The following CCDC171 variants were observed in gnomAD, a reference collection of about 807,000 sequenced individuals.
CCDC171 encodes the protein coiled-coil domain-containing protein 171.
CCDC171 carries 177 observed loss-of-function variants against 168.2 expected under a neutral mutation model. That is an observed-to-expected ratio of 1.05 (90% CI 0.93 to 1.19). The LOEUF (loss-of-function observed/expected upper bound fraction) is 1.19. Among genes scored for constraint, CCDC171 ranks in the 50% most tolerant of loss-of-function variants. The pLI, the probability that CCDC171 is intolerant of heterozygous loss-of-function variation, is 0.00. For missense variants in CCDC171, 1,991 were observed against 1,539.0 expected (o/e 1.29, Z -4.91); for synonymous variants, 687 against 540.8 (o/e 1.27, Z -3.75).
chr9:15,893,414 T>G (rs936240089), intron 24 of CCDC171, among the ~76,000 whole-genome samples: 5 of 152,090 alleles, frequency 3.3e-5, no homozygotes, highest in Non-Finnish European at 7.4e-5. Context: ...CAATTGGAAC[T>G]GAAGCAAAAA....
intron 7 of CCDC171, among the ~76,000 whole-genome samples, chr9:15,635,049 C>T (rs183679441): frequency 8.0e-4 from 122 of 152,118 alleles, no homozygotes; most frequent in African/African-American, 2.7e-3. Flanking sequence ...AGTTGATGGA[C>T]GTTTGTGTTT....
At chr9:15,906,047 A>C (rs1822546953) in intron 24 of CCDC171, among the ~76,000 whole-genome samples, 1 of 152,210 alleles carries the variant, frequency 6.6e-6, no homozygotes, top group Non-Finnish European at 1.5e-5. Flanking sequence ...TACCAACCAA[A>C]AAAAATCCAG....
chr9:15,640,632 T>G (rs1450988057), intron 7 of CCDC171, among the ~76,000 whole-genome samples: 2 of 152,106 alleles, frequency 1.3e-5, no homozygotes, highest in Non-Finnish European at 2.9e-5. Context: ...ATGCTTACAT[T>G]TAAAAAGCCA....
intron 21 of CCDC171, among the ~76,000 whole-genome samples, chr9:15,805,483 C>T (rs576560914): frequency 6.6e-6 from 1 of 152,098 alleles, no homozygotes; most frequent in Non-Finnish European, 1.5e-5. Flanking sequence ...TTGATTTCTG[C>T]CTTAATTTCA....
rs527903196 is a variant in CCDC171, at chr9:15,874,312, C to T, written c.3469-220C>T. ...TCTAGTGACTCTTCTTCCCCTCCCT[C>T]ATTTCAAGCAGGAGGATGCTTTTTC... On this transcript the variant is annotated intron_variant, in intron 23 of 25. Transcript: ENST00000380701. Among the ~76,000 whole-genome samples, 8 of 152,214 alleles carry T rather than the reference C, an allele frequency of 5.3e-5. No individual in the cohort carries two copies. In the East Asian group the frequency reaches 1.5e-3, roughly 29 times the overall value.
chr9:15,710,544 G>A (rs957487048), intron 11 of CCDC171, among the ~76,000 whole-genome samples: 32 of 151,752 alleles, frequency 2.1e-4, no homozygotes, highest in Non-Finnish European at 3.4e-4. Flanking sequence ...CTCATGATCC[G>A]CCCGCCTCGA....
intron 21 of CCDC171, among the ~76,000 whole-genome samples, chr9:15,807,540 A>T (rs1344713122): frequency 6.6e-6 from 1 of 152,090 alleles, no homozygotes; most frequent in Non-Finnish European, 1.5e-5. Flanking sequence ...GACACATATA[A>T]TAAATGTAGA....
At chr9:15,877,811 C>G (rs1818057841) in intron 24 of CCDC171, among the ~76,000 whole-genome samples, 1 of 152,086 alleles carries the variant, frequency 6.6e-6, no homozygotes, top group Non-Finnish European at 1.5e-5. Context: ...ATCTTATACT[C>G]TGAATTACAA....
chr9:15,637,809 T>C (rs1432919208), intron 7 of CCDC171, among the ~76,000 whole-genome samples: 1 of 152,152 alleles, frequency 6.6e-6, no homozygotes, highest in Non-Finnish European at 1.5e-5. Flanking sequence ...TCATCATTTT[T>C]TATGGCTGCA....
At chr9:16,064,513 T>C (rs369321892), downstream of CCDC171, among the ~76,000 whole-genome samples, 7 of 152,174 alleles carry the variant, frequency 4.6e-5, no homozygotes, top group East Asian at 5.8e-4. Context: ...GCCCTGACTC[T>C]GGGGTCCCAT....
At chr9:15,881,531 A>G (rs866202769) in intron 24 of CCDC171, among the ~76,000 whole-genome samples, 1 of 152,226 alleles carries the variant, frequency 6.6e-6, no homozygotes, top group African/African-American at 2.4e-5. Flanking sequence ...AGATTATTGT[A>G]AACTGTAGTT....
At chr9:15,603,174 CAG>C (rs2042986865) in intron 6 of CCDC171, among the ~76,000 whole-genome samples, 1 of 151,898 alleles carries the variant, frequency 6.6e-6, no homozygotes, top group Non-Finnish European at 1.5e-5. Context: ...TTAGTAGAGA[CAG>C]GGTTTCACCG....
chr9:15,834,219 A>T (rs2060348046), intron 21 of CCDC171, among the ~76,000 whole-genome samples: 1 of 152,176 alleles, frequency 6.6e-6, no homozygotes, highest in South Asian at 2.1e-4. Context: ...GTCATCAATC[A>T]TAGTAACCAA....
intron 25 of CCDC171, among the ~76,000 whole-genome samples, chr9:15,946,447 A>G (rs201724939): frequency 9.9e-5 from 15 of 151,982 alleles, no homozygotes; most frequent in African/African-American, 3.6e-4. Flanking sequence ...AAAATACCTA[A>G]GAATCCACCT....
At chr9:15,975,669 C>T (rs969767069), downstream of CCDC171, among the ~76,000 whole-genome samples, 11 of 152,048 alleles carry the variant, frequency 7.2e-5, no homozygotes, top group Non-Finnish European at 7.4e-5. Context: ...TATTACTTCC[C>T]AATGGAAAAT....
intron 21 of CCDC171, among the ~76,000 whole-genome samples, chr9:15,827,761 C>T (rs1379727430): frequency 6.6e-6 from 1 of 152,092 alleles, no homozygotes; most frequent in African/African-American, 2.4e-5. Context: ...ATTGATTAGG[C>T]CACTTGAGTT....
chr9:16,014,195 C>T (rs1036053638), intron 3 of CCDC171, among the ~76,000 whole-genome samples: 1 of 152,216 alleles, frequency 6.6e-6, no homozygotes, highest in African/African-American at 2.4e-5. Flanking sequence ...CAGCAACATT[C>T]ACAGCATCTT....
At chr9:15,804,244 C>T (rs2058968861) in intron 21 of CCDC171, among the ~76,000 whole-genome samples, 1 of 151,968 alleles carries the variant, frequency 6.6e-6, no homozygotes, top group South Asian at 2.1e-4. Context: ...GCCTGATTGC[C>T]CTGGCCAGAC....
At chr9:15,872,500 T>C (rs752488801) in intron 23 of CCDC171, among the ~76,000 whole-genome samples, 31 of 152,026 alleles carry the variant, frequency 2.0e-4, no homozygotes, top group Admixed American at 3.3e-4. Context: ...ATGGTTTTTT[T>C]CCCCTCTCTT....
Sources: allele counts gnomAD v4.1 joint callset (sites outside exome capture counted in the v4.1 genomes callset), GRCh38; gene constraint gnomAD v4.1.1; transcripts MANE v1.5; gene names NCBI Gene and HGNC (gene_info 2026-07-23, HGNC 2026-07-21).